The following SMC6 variants were observed in gnomAD, a reference collection of about 807,000 sequenced individuals.
The protein encoded by SMC6 is structural maintenance of chromosomes protein 6.
A neutral mutation model predicts 142.2 loss-of-function variants in SMC6; 79 were observed. The observed-to-expected ratio is 0.56, with a 90% CI of 0.46 to 0.67. SMC6 has a LOEUF of 0.67. Ranked by LOEUF, SMC6 falls within the 30% of genes least tolerant of loss-of-function variation. The pLI, the probability that SMC6 is intolerant of heterozygous loss-of-function variation, is 0.00. For missense variants in SMC6, 1,072 were observed against 1,284.0 expected (o/e 0.83, Z 2.52); for synonymous variants, 411 against 412.4 (o/e 1.00, Z 0.04).
chr2:17,727,959 C>T (rs13421199), intron 7 of SMC6, among the ~76,000 whole-genome samples: 3 of 152,142 alleles, frequency 2.0e-5, no homozygotes, highest in Non-Finnish European at 4.4e-5. Context: ...AAAGCCCCCC[C>T]AGCTCTTCAT....
chr2:17,707,227 A>G lies in SMC6; in HGVS notation c.1998T>C (p.Ser666=). The G allele has an allele frequency of 6.3e-7, 1 of 1,580,804 alleles. No homozygotes were observed. Among genetic ancestry groups the G allele is most frequent in the Non-Finnish European group, 8.6e-7 (1 of 1,166,582 alleles). Residue 666 remains serine (S), a synonymous_variant, in exon 18 of 28, where the codon TCT becomes TCC. Coordinates refer to ENST00000448223, the MANE Select transcript of SMC6 (RefSeq NM_001142286.2). ...CTAAACTTGACTCTAACCTTATTTC[A>G]GAATCCACATCTCTGCTTAGGAACT... ...RPKFLSRDVD[S]EISDLENEVE...
rs771792730 is a variant in SMC6, at chr2:17,714,916, G to A, written c.1675C>T (p.Arg559Trp). Residue 559 changes from arginine (R) to tryptophan (W), a missense_variant, in exon 16 of 28, where the codon CGG (arginine) becomes TGG (tryptophan). Physicochemically the swap from Arg to Trp is moderately radical, Grantham distance 101. Transcript: ENST00000448223. ...AACTCAGAAACTATTATCGGTGGCC[G>A]TGAGGTCCCTGGTAAATAAAACCTT... is the stretch of plus-strand genomic sequence containing the variant. ...MKRFYLPGTS[R>W]PPIIVSEFRN... is the part of the protein sequence containing the mutation. 2.5e-6 allele frequency: 4 copies of A among 1,613,360 alleles called. No individual in the cohort carries two copies. The highest frequency in any genetic ancestry group is 1.7e-5 in the Admixed American group (1 of 59,756).
intron 23 of SMC6, among the ~76,000 whole-genome samples, chr2:17,690,102 A>T (rs1201613464): frequency 6.6e-6 from 1 of 152,218 alleles, no homozygotes; most frequent in Non-Finnish European, 1.5e-5. Context: ...TTCTTAAATC[A>T]TTACTGCAAT....
intron 18 of SMC6, among the ~76,000 whole-genome samples, chr2:17,703,940 A>C (rs1668386440): frequency 6.6e-6 from 1 of 152,094 alleles, no homozygotes; most frequent in Non-Finnish European, 1.5e-5. Flanking sequence ...TAGGCTATTA[A>C]GTTTTTGGGG....
intron 18 of SMC6, among the ~76,000 whole-genome samples, chr2:17,706,184 T>C (rs1177772841): frequency 1.3e-5 from 2 of 152,192 alleles, no homozygotes; most frequent in Non-Finnish European, 2.9e-5. Flanking sequence ...GAAGATTAGA[T>C]TAAAATGTTA....
rs1319701306 is a variant in SMC6, at chr2:17,665,555, G to C, written c.3220C>G (p.Gln1074Glu). The change falls in exon 28 of 28, where the codon CAA becomes GAA. Residue 1074 changes from glutamine (Q) to glutamate (E), a missense_variant. By Grantham distance (29) the Gln-to-Glu change is conservative (BLOSUM62 2). Transcript: ENST00000448223. ...ILRMSDPERG[Q>E]TTLPFRPVTQ... is the part of the protein sequence containing the mutation. ...ACAGGTCTGAAAGGCAATGTAGTTT[G>C]TCCTCTTTCAGGATCAGACATTCGG... The C allele has an allele frequency of 6.2e-7, 1 of 1,611,438 alleles. No individual in the cohort carries two copies. Among genetic ancestry groups the C allele is most frequent in the Non-Finnish European group, 8.5e-7 (1 of 1,178,602 alleles).
chr2:17,710,323 G>T lies in SMC6; in HGVS notation c.1731-1570C>A, dbSNP rs1001446483. 3.9e-5 allele frequency among the ~76,000 whole-genome samples: 6 copies of T among 152,180 alleles called. No individual in the cohort carries two copies. In the South Asian group the frequency reaches 6.2e-4, roughly 16 times the overall value. On this transcript the variant is annotated intron_variant, in intron 16 of 27. Transcript: ENST00000448223. ...GAAGATTACTGAAAGTGCAGGTTTT[G>T]GGGTGGAAATCGGGAGTATGGCTTT...
intron 21 of SMC6, among the ~76,000 whole-genome samples, chr2:17,697,376 G>A (rs1668055098): frequency 1.3e-5 from 2 of 151,844 alleles, no homozygotes; most frequent in South Asian, 2.1e-4. Flanking sequence ...ACTGGATACA[G>A]GTCAATACAA....
intron 2 of SMC6, among the ~76,000 whole-genome samples, chr2:17,746,986 G>A (rs1670783472): frequency 6.6e-6 from 1 of 152,148 alleles, no homozygotes; most frequent in African/African-American, 2.4e-5. Flanking sequence ...CCCTACCCAT[G>A]CAAGCAAAAT....
In SMC6 at chr2:17,738,270, C is replaced by T; in HGVS notation, c.295G>A (p.Ala99Thr). Residue 99 changes from alanine (A) to threonine (T), a missense_variant, in exon 5 of 28, where the codon GCT becomes ACT. This residue lies in a region of SMC6 where 994 missense variants were observed against 1,153.2 expected (regional missense o/e 0.86). Transcript: ENST00000448223. Reference protein sequence around the residue: ...LIVGLGGRAVATNRGSSLKGF... With the variant: ...LIVGLGGRAVTTNRGSSLKGF... The stretch of plus-strand genomic sequence containing the variant: ...TTTAAAGAGGATCCTCTATTAGTAG[C>T]AACTGCTCTTCCACCAAGACCGACT... 1 of 1,613,714 alleles carries T rather than the reference C, an allele frequency of 6.2e-7. No homozygotes were observed. The highest frequency in any genetic ancestry group is 8.5e-7 in the Non-Finnish European group (1 of 1,179,920).
chr2:17,713,845 A>T (rs1164772631), intron 16 of SMC6, among the ~76,000 whole-genome samples: 1 of 152,230 alleles, frequency 6.6e-6, no homozygotes, highest in African/African-American at 2.4e-5. Context: ...CAAGGCAATT[A>T]ACTTTTTCTA....
Position 17,720,945 on chromosome 2 carries a change from G to T in SMC6, c.940C>A (p.Gln314Lys). ...AARLDRKMEEQQVRLNEAEQK... is the reference protein window; with the variant it reads ...AARLDRKMEEKQVRLNEAEQK... The stretch of plus-strand genomic sequence containing the variant: ...CATTTAAAAACTGTAATTACCTGCT[G>T]TTCTTCCATTTTCCTGTCAAGTCTA... Residue 314 changes from glutamine (Q) to lysine (K), a missense_variant, in exon 11 of 28, where the codon CAG (glutamine) becomes AAG (lysine). By Grantham distance (53) the Gln-to-Lys change is moderately conservative. Around this residue, in one of 3 missense-constraint regions of SMC6, gnomAD observed 994 missense variants for 1,153.2 expected, o/e 0.86. Coordinates refer to ENST00000448223, the MANE Select transcript of SMC6 (RefSeq NM_001142286.2). The T allele has an allele frequency of 6.2e-7, 1 of 1,612,102 alleles. No homozygotes were observed. The highest frequency in any genetic ancestry group is 8.5e-7 in the Non-Finnish European group (1 of 1,178,944).
chr2:17,727,081 T>C (rs542680357), intron 7 of SMC6, among the ~76,000 whole-genome samples: 5 of 152,366 alleles, frequency 3.3e-5, no homozygotes, highest in Admixed American at 2.0e-4. Flanking sequence ...TTTTGGAAAC[T>C]AGTCATTGCT....
chr2:17,683,742 C>T lies in SMC6; in HGVS notation c.2700G>A (p.Glu900=), dbSNP rs1271237249. The T allele has an allele frequency of 3.7e-6, 6 of 1,610,696 alleles. No individual in the cohort carries two copies. The highest frequency in any genetic ancestry group is 5.1e-6 in the Non-Finnish European group (6 of 1,178,152). Residue 900 remains glutamate (E), a synonymous_variant, in exon 24 of 28, where the codon GAG becomes GAA. Transcript: ENST00000448223. Reference sequence around the variant, plus strand: ...CTTTACTATCCAGATCAAGATAGGTCTCTCTTGCTTCTTGGTACTGCCTAT... The same window carrying T: ...CTTTACTATCCAGATCAAGATAGGTTTCTCTTGCTTCTTGGTACTGCCTAT... ...EIMRQYQEAR[E]TYLDLDSKVR...
chr2:17,677,168 TA>T (rs1667028293), intron 25 of SMC6, among the ~76,000 whole-genome samples: 1 of 152,186 alleles, frequency 6.6e-6, no homozygotes, highest in South Asian at 2.1e-4. Context: ...TTATGCTTGA[TA>T]TTTTGTGTAA....
intron 6 of SMC6, 64 bp from the exon 7 acceptor site, chr2:17,731,203 T>C (rs966756469): frequency 9.3e-7 from 1 of 1,070,726 alleles, no homozygotes; most frequent in Non-Finnish European, 1.4e-6. Flanking sequence ...AAAAAATGTA[T>C]AGTTACTTAC....
chr2:17,713,386 T>C, intron 16 of SMC6: 1 of 447,252 alleles, frequency 2.2e-6, no homozygotes. Flanking sequence ...TAAACTCACC[T>C]ACTTCCAAGA....
At chr2:17,720,348 T>C (rs1286378562) in intron 11 of SMC6, among the ~76,000 whole-genome samples, 2 of 152,210 alleles carry the variant, frequency 1.3e-5, no homozygotes, top group East Asian at 3.8e-4. Flanking sequence ...ATGACTTTCT[T>C]GAATTTTAGA....
chr2:17,707,437 CAGAAT>C (rs1668561661), intron 17 of SMC6, 58 bp from the exon 18 acceptor site: 3 of 1,177,392 alleles, frequency 2.5e-6, no homozygotes, highest in Non-Finnish European at 3.4e-6. Context: ...TTCTGATGTA[CAGAAT>C]TTCAAAATGT....
Sources: allele counts gnomAD v4.1 joint callset (sites outside exome capture counted in the v4.1 genomes callset), GRCh38; gene constraint gnomAD v4.1.1; regional missense constraint gnomAD v4.1.1; transcripts MANE v1.5; gene names NCBI Gene and HGNC (gene_info 2026-07-23, HGNC 2026-07-21).